Variants in C11orf65 observed in about 807,000 individuals in gnomAD.
C11orf65 encodes the protein protein MFI.
C11orf65 carries 38 observed loss-of-function variants against 35.3 expected under a neutral mutation model. That is an observed-to-expected ratio of 1.08 (90% confidence interval 0.83 to 1.41). The LOEUF is 1.41. Among genes scored for constraint, C11orf65 ranks in the 40% most tolerant of loss-of-function variants. The probability of loss-of-function intolerance (pLI) is 0.00; values close to 1 mark genes in which losing one functional copy is unlikely to be tolerated. For missense variants in C11orf65, 370 were observed against 367.1 expected (o/e 1.01, Z -0.06); for synonymous variants, 105 against 114.4 (o/e 0.92, Z 0.53).
At chr11:108,422,457 A>C (rs2092833429) in intron 3 of C11orf65, among the ~76,000 whole-genome samples, 1 of 152,246 alleles carries the variant, frequency 6.6e-6, no homozygotes, top group African/African-American at 2.4e-5. Flanking sequence ...AAAATAGACC[A>C]ATGGAACAGA....
chr11:108,413,191 CTTT>C (rs1013544931), intron 3 of C11orf65, among the ~76,000 whole-genome samples: 1 of 152,192 alleles, frequency 6.6e-6, no homozygotes, highest in Non-Finnish European at 1.5e-5. Context: ...CCTTAATACA[CTTT>C]TTTATTTGTA....
At chr11:108,431,356 A>G (rs1409193909) in intron 3 of C11orf65, among the ~76,000 whole-genome samples, 1 of 152,240 alleles carries the variant, frequency 6.6e-6, no homozygotes, top group Non-Finnish European at 1.5e-5. Flanking sequence ...TTTTAGCTAC[A>G]TAAATGTATT....
At chr11:108,375,170 C>G (rs910758328) in intron 2 of C11orf65, among the ~76,000 whole-genome samples, 1 of 151,726 alleles carries the variant, frequency 6.6e-6, no homozygotes, top group Non-Finnish European at 1.5e-5. Flanking sequence ...AGAGCAACTC[C>G]AAGACACATA....
At chr11:108,466,048 A>G (rs1322215982) in intron 1 of C11orf65, among the ~76,000 whole-genome samples, 1 of 152,040 alleles carries the variant, frequency 6.6e-6, no homozygotes, top group Non-Finnish European at 1.5e-5. Flanking sequence ...AAAATGTACC[A>G]TCCAGTAGTG....
intron 2 of C11orf65, among the ~76,000 whole-genome samples, chr11:108,438,780 C>CA (rs1360391342): frequency 6.6e-6 from 1 of 151,988 alleles, no homozygotes; most frequent in Non-Finnish European, 1.5e-5. Flanking sequence ...CCAAGGCGGG[C>CA]AGATCACTTG....
chr11:108,446,369 G>C lies in C11orf65; in HGVS notation c.82-14531C>G, dbSNP rs559875367. On this transcript the variant is annotated intron_variant, in intron 2 of 8. Transcript: ENST00000393084. ...GTTGAAATGAAGGAAAAAATGTTAA[G>C]GGCAGCCAGAGAGAAAGGTCGGGTT... Among the ~76,000 whole-genome samples the C allele has an allele frequency of 5.3e-4, 80 of 151,562 alleles. No individual in the cohort carries two copies. The South Asian group carries it at 0.016, about 31-fold the overall frequency.
At chr11:108,368,833 A>G (rs886047630) in intron 2 of C11orf65, 1 of 203,266 alleles carries the variant, frequency 4.9e-6, no homozygotes, top group Non-Finnish European at 1.0e-5. Context: ...AAATGTATGC[A>G]CTTAGGAATG....
chr11:108,327,602 A>G (rs749377905), downstream of C11orf65: 95 of 1,475,932 alleles, frequency 6.4e-5, no homozygotes, highest in Non-Finnish European at 4.6e-5. Context: ...GGGTACAGTC[A>G]TGGTAATGCA....
chr11:108,404,394 C>T (rs992662007), intron 6 of C11orf65, among the ~76,000 whole-genome samples: 1 of 152,080 alleles, frequency 6.6e-6, no homozygotes. Context: ...CTTCCACTTT[C>T]TGTCTTTGAT....
chr11:108,329,055 G>A (rs1297882250), downstream of C11orf65: 3 of 1,614,112 alleles, frequency 1.9e-6, no homozygotes, highest in Non-Finnish European at 2.5e-6. Context: ...GATGGAGAAA[G>A]TAGTGATGAG....
chr11:108,405,146 T>C (rs559903994), intron 6 of C11orf65, among the ~76,000 whole-genome samples: 3 of 152,322 alleles, frequency 2.0e-5, no homozygotes, highest in Non-Finnish European at 4.4e-5. Flanking sequence ...ACTCAAACTT[T>C]TGTTAACTAA....
At chr11:108,400,114 C>T (rs1307934508) in intron 6 of C11orf65, among the ~76,000 whole-genome samples, 3 of 152,098 alleles carry the variant, frequency 2.0e-5, no homozygotes, top group Non-Finnish European at 2.9e-5. Context: ...TTGAAGCCAG[C>T]TTGTTTGTTA....
chr11:108,309,034 T>G, exon 7 of C11orf65: 1 of 1,525,056 alleles, frequency 6.6e-7, no homozygotes, highest in Non-Finnish European at 8.8e-7. Flanking sequence ...ATTCTTCATA[T>G]TCCATTTTAA....
intron 1 of C11orf65, chr11:108,462,688 A>G (rs1016665629): frequency 3.9e-5 from 6 of 152,244 alleles, no homozygotes; most frequent in African/African-American, 1.4e-4. Context: ...CACTGAATAC[A>G]GGGAGAAACA....
chr11:108,439,507 C>T (rs1292487161), intron 2 of C11orf65, among the ~76,000 whole-genome samples: 1 of 152,098 alleles, frequency 6.6e-6, no homozygotes, highest in Non-Finnish European at 1.5e-5. Context: ...ATGGCTCAAA[C>T]AGATATTTTT....
At chr11:108,380,201 G>C (rs574741918), downstream of C11orf65, among the ~76,000 whole-genome samples, 12 of 152,282 alleles carry the variant, frequency 7.9e-5, no homozygotes, top group South Asian at 2.1e-4. Context: ...CTGCATTGAT[G>C]CCTTACTACA....
chr11:108,466,700 T>C (rs2093542977), intron 1 of C11orf65, among the ~76,000 whole-genome samples: 1 of 152,260 alleles, frequency 6.6e-6, no homozygotes, highest in Non-Finnish European at 1.5e-5. Flanking sequence ...CCAAGCTTAT[T>C]ATATCCCTAA....
chr11:108,449,054 A>G (rs1471719728), intron 2 of C11orf65, among the ~76,000 whole-genome samples: 5 of 152,210 alleles, frequency 3.3e-5, no homozygotes, highest in Admixed American at 3.3e-4. Flanking sequence ...AGAGAATAAA[A>G]TACCTGGGAA....
At chr11:108,448,106 G>A (rs1270168055) in intron 2 of C11orf65, among the ~76,000 whole-genome samples, 1 of 152,110 alleles carries the variant, frequency 6.6e-6, no homozygotes, top group Non-Finnish European at 1.5e-5. Context: ...TCTCTGAATA[G>A]ACCAATAACA....
Sources: gnomAD v4.1 joint callset for allele counts (sites outside exome capture counted in the v4.1 genomes callset) on GRCh38, gnomAD v4.1.1 for gene constraint, MANE v1.5 for transcripts, NCBI Gene and HGNC (gene_info 2026-07-23, HGNC 2026-07-21) for gene names.